GET3: variants seen among roughly 807,000 people sequenced by gnomAD.
GET3 encodes guided entry of tail-anchored proteins factor 3, ATPase.
GET3 carries 15 observed loss-of-function variants against 32.4 expected under a neutral mutation model. The ratio of observed to expected loss-of-function variants is 0.46; its 90% CI spans 0.31 to 0.71. The LOEUF (loss-of-function observed/expected upper bound fraction) is 0.71. Among genes scored for constraint, GET3 ranks in the 30% least tolerant of loss-of-function variants. The pLI is 0.05. For missense variants in GET3, 333 were observed against 459.0 expected, an observed-to-expected ratio of 0.73 and a Z score of 2.51; for synonymous variants, 198 against 185.6, an observed-to-expected ratio of 1.07 and a Z score of -0.54.
At chr19:12,741,073 C>T (rs1214256323) in intron 2 of GET3, among the ~76,000 whole-genome samples, 1 of 152,190 alleles carries the variant, frequency 6.6e-6, no homozygotes, top group Non-Finnish European at 1.5e-5. Context: ...CCTGTAATCC[C>T]AGCACTTCGG....
At chr19:12,739,845 A>C (rs965530912) in intron 2 of GET3, among the ~76,000 whole-genome samples, 2 of 151,792 alleles carry the variant, frequency 1.3e-5, no homozygotes, top group African/African-American at 4.8e-5. Flanking sequence ...AGAGTTTGAG[A>C]CCAGCCTGGC....
chr19:12,748,003 G>A lies in GET3; in HGVS notation c.946G>A (p.Val316Met), dbSNP rs768063943. 1.2e-5 allele frequency: 19 copies of A among 1,610,620 alleles called. No homozygotes were observed. Among genetic ancestry groups the A allele is most frequent in the East Asian group, 8.9e-5 (4 of 44,798 alleles). The change falls in exon 7 of 7, where the codon GTG becomes ATG. Residue 316 changes from valine to methionine, a missense_variant. Physicochemically the swap from Val to Met is conservative, Grantham distance 21 (BLOSUM62 1). Transcript: ENST00000357332. The stretch of plus-strand genomic sequence containing the variant: ...GGACCTGTATGAAGACTTCCACATC[G>A]TGAAGCTGCCGCTGTTACCCCATGA... The part of the protein sequence containing the change: ...MEDLYEDFHI[V>M]KLPLLPHEVR...
Position 12,747,188 on chromosome 19 carries a change from C to A in GET3, c.610-9C>A, listed in dbSNP as rs1002101261. 1 of 1,580,912 alleles carries A rather than the reference C, an allele frequency of 6.3e-7. No individual in the cohort carries two copies. The highest frequency in any genetic ancestry group is 8.6e-7 in the Non-Finnish European group (1 of 1,162,430). On this transcript the variant is annotated splice_polypyrimidine_tract_variant and intron_variant, in intron 4 of 6. Coordinates refer to ENST00000357332, the MANE Select transcript of GET3 (RefSeq NM_004317.4). The surrounding 1 kb of genome is among the most constrained non-coding windows in gnomAD (Gnocchi z 4.0). Reference sequence around the variant, plus strand: ...GTAAGCTATGAGCCCTCCCACATCCCCCCTGCAGATGTGCAACATGCTGGG... The same window carrying A: ...GTAAGCTATGAGCCCTCCCACATCCACCCTGCAGATGTGCAACATGCTGGG...
chr19:12,745,364 C>T lies in GET3; in HGVS notation c.310-13C>T. On this transcript the variant is annotated splice_polypyrimidine_tract_variant and intron_variant, in intron 2 of 6. Transcript: ENST00000357332. This position sits in a 1 kb window ranked among gnomAD's most constrained non-coding sequence, Gnocchi z 5.0. ...AGTAGCAGCAACCTCAGTCTCATCC[C>T]TTTGGCCCCCAGGAGATTGACCCCA... 1 of 1,607,332 alleles carries T rather than the reference C, an allele frequency of 6.2e-7. No homozygotes were observed. The highest frequency in any genetic ancestry group is 8.5e-7 in the Non-Finnish European group (1 of 1,179,778).
chr19:12,744,170 C>T (rs958553616), intron 2 of GET3, among the ~76,000 whole-genome samples: 4 of 145,980 alleles, frequency 2.7e-5, no homozygotes, highest in Non-Finnish European at 6.0e-5. Context: ...GAGCTGAGAT[C>T]GCGCCACTGC....
Position 12,745,765 on chromosome 19 carries a change from C to T in GET3, c.609+6C>T, listed in dbSNP as rs200777730. ...TCAGCCCTTTCATCTCACAGGCAGG[C>T]GGCGGGGGCCCCCACCTGCACCATC... On this transcript the variant is annotated splice_donor_region_variant and intron_variant, in intron 4 of 6. Coordinates refer to ENST00000357332, the MANE Select transcript of GET3 (RefSeq NM_004317.4). This position sits in a 1 kb window ranked among gnomAD's most constrained non-coding sequence, Gnocchi z 5.0. The T allele has an allele frequency of 8.1e-6, 13 of 1,598,884 alleles. No individual in the cohort carries two copies. The highest frequency in any genetic ancestry group is 1.7e-4 in the Middle Eastern group (1 of 5,956).
At position 12,737,636 on chromosome 19, in the gene GET3, G is replaced by T. The variant is rs1394137743; in HGVS notation, c.131G>T (p.Gly44Val). 6.2e-7 allele frequency: 1 copy of T among 1,611,108 alleles called. No individual in the cohort carries two copies. Among genetic ancestry groups the T allele is most frequent in the Admixed American group, 1.7e-5 (1 of 59,680 alleles). ...AGCCTGAAGTGGATCTTCGTCGGGGGCAAGGGTGGTGTGGGCAAGACCACC... is the reference window on the plus strand; with the variant it reads ...AGCCTGAAGTGGATCTTCGTCGGGGTCAAGGGTGGTGTGGGCAAGACCACC... ...QRSLKWIFVG[G>V]KGGVGKTTCS... The change falls in exon 1 of 7, where the codon GGC becomes GTC. Residue 44 changes from glycine (G) to valine (V), a missense_variant. Transcript: ENST00000357332.
At chr19:12,743,252 T>A (rs1028106419) in intron 2 of GET3, among the ~76,000 whole-genome samples, 3 of 151,896 alleles carry the variant, frequency 2.0e-5, no homozygotes, top group Admixed American at 2.0e-4. Context: ...CTGAGGTGGG[T>A]GGATCACCTG....
rs767201822 is a variant in GET3 at position 12,745,609 on chromosome 19, G to A, written c.459G>A (p.Arg153=). ...GGGCCTGACCCCTGTCTCCCCTCAGGCTGGTGAAGGGCATGAACTTCTCGG... is the reference window on the plus strand; with the variant it reads ...GGGCCTGACCCCTGTCTCCCCTCAGACTGGTGAAGGGCATGAACTTCTCGG... ...DEAMSYAEVM[R]LVKGMNFSVV... is the part of the protein sequence containing the mutation. The change falls in exon 4 of 7, where the codon AGG becomes AGA. Residue 153 remains arginine, a splice_region_variant and synonymous_variant. Transcript: ENST00000357332. This position sits in a 1 kb window ranked among gnomAD's most constrained non-coding sequence, Gnocchi z 5.0. 2 of 1,612,778 alleles carry A rather than the reference G, an allele frequency of 1.2e-6. No individual in the cohort carries two copies. Among genetic ancestry groups the A allele is most frequent in the South Asian group, 2.2e-5 (2 of 91,074 alleles).
At position 12,747,492 on chromosome 19, in the gene GET3, C is replaced by T; in HGVS notation, c.815C>T (p.Thr272Ile). 1 of 1,614,100 alleles carries T rather than the reference C, an allele frequency of 6.2e-7. No individual in the cohort carries two copies. Among genetic ancestry groups the T allele is most frequent in the Non-Finnish European group, 8.5e-7 (1 of 1,180,010 alleles). The change falls in exon 6 of 7, where the codon ACA becomes ATA. Residue 272 changes from threonine (T) to isoleucine (I), a missense_variant. This residue lies in a region of GET3 where 230 missense variants were observed against 389.2 expected (regional missense o/e 0.59). Transcript: ENST00000357332. This position sits in a 1 kb window ranked among gnomAD's most constrained non-coding sequence, Gnocchi z 4.0. ...IQELAKCKID[T>I]HNIIVNQLVF... ...GAGCTGGCCAAGTGCAAGATTGACA[C>T]ACACAATATAATTGTCAACCAGCTC...
At position 12,737,542 on chromosome 19, in the gene GET3, G is replaced by C. The variant is rs762425562; in HGVS notation, c.37G>C (p.Glu13Gln). The C allele has an allele frequency of 6.3e-7, 1 of 1,597,362 alleles. No homozygotes were observed. Among genetic ancestry groups the C allele is most frequent in the Non-Finnish European group, 8.5e-7 (1 of 1,172,924 alleles). Reference protein sequence around the residue: ...AGVAGWGVEAEEFEDAPDVEP... With the variant: ...AGVAGWGVEAQEFEDAPDVEP... Reference sequence around the variant, plus strand: ...GGTGGCCGGGTGGGGGGTTGAGGCAGAGGAGTTCGAAGATGCTCCTGATGT... The same window carrying C: ...GGTGGCCGGGTGGGGGGTTGAGGCACAGGAGTTCGAAGATGCTCCTGATGT... The change falls in exon 1 of 7, where the codon GAG becomes CAG. Residue 13 changes from glutamate to glutamine, a missense_variant. Around this residue, in one of 3 missense-constraint regions of GET3, gnomAD observed 64 missense variants for 36.7 expected, o/e 1.74. Transcript: ENST00000357332.
In GET3 at chr19:12,748,105, C is replaced by T. The variant is rs149686299; in HGVS notation, c.*1C>T. The T allele has an allele frequency of 1.2e-3, 1,949 of 1,582,628 alleles. 5 individuals carry two copies. The highest frequency in any genetic ancestry group is 1.5e-3 in the Non-Finnish European group (1,795 of 1,159,734). On this transcript the variant is annotated 3_prime_UTR_variant, in exon 7 of 7. Coordinates refer to ENST00000357332, the MANE Select transcript of GET3 (RefSeq NM_004317.4). Reference sequence around the variant, plus strand: ...CTACAAGCCCCCCAGTGCCCAGTAGCACAGCTGCCAGCCCCAACCGCTGCC... The same window carrying T: ...CTACAAGCCCCCCAGTGCCCAGTAGTACAGCTGCCAGCCCCAACCGCTGCC...
At chr19:12,742,729 T>C (rs1266018412) in intron 2 of GET3, among the ~76,000 whole-genome samples, 1 of 152,058 alleles carries the variant, frequency 6.6e-6, no homozygotes, top group Non-Finnish European at 1.5e-5. Context: ...TTTTTTTTAG[T>C]AGAGACGGGG....
intron 4 of GET3, among the ~76,000 whole-genome samples, chr19:12,746,361 G>A (rs1187028294): frequency 6.6e-6 from 1 of 152,090 alleles, no homozygotes; most frequent in African/African-American, 2.4e-5. Flanking sequence ...TTGAACTCCT[G>A]GCCTCAAGCA....
intron 1 of GET3, among the ~76,000 whole-genome samples, chr19:12,737,872 C>T (rs1382869790): frequency 2.0e-5 from 3 of 152,184 alleles, no homozygotes; most frequent in Admixed American, 1.3e-4. Flanking sequence ...CGTGTTGGGG[C>T]TCAAGTGCCG....
intron 2 of GET3, among the ~76,000 whole-genome samples, chr19:12,742,341 C>T (rs914621029): frequency 1.4e-4 from 21 of 151,414 alleles, no homozygotes; most frequent in Admixed American, 1.3e-3. Context: ...AAGCGATTCT[C>T]CTGCCTCAGC....
At position 12,745,482 on chromosome 19, in the gene GET3, T is replaced by A; in HGVS notation, c.415T>A (p.Phe139Ile). Residue 139 changes from phenylalanine to isoleucine, a missense_variant, in exon 3 of 7, where the codon TTT becomes ATT. Physicochemically the swap from Phe to Ile is conservative, Grantham distance 21. Transcript: ENST00000357332. This position sits in a 1 kb window ranked among gnomAD's most constrained non-coding sequence, Gnocchi z 5.0. ...GATGATGCAGGAGGCCATGAGCGCA[T>A]TTCCCGGCATCGATGAGGCCATGAG... Reference protein sequence around the residue: ...KKMMQEAMSAFPGIDEAMSYA... With the variant: ...KKMMQEAMSAIPGIDEAMSYA... The A allele has an allele frequency of 6.2e-7, 1 of 1,613,224 alleles. No homozygotes were observed. Among genetic ancestry groups the A allele is most frequent in the Admixed American group, 1.7e-5 (1 of 60,016 alleles).
At chr19:12,744,994 C>T (rs1487773201) in intron 2 of GET3, among the ~76,000 whole-genome samples, 2 of 151,866 alleles carry the variant, frequency 1.3e-5, no homozygotes, top group African/African-American at 4.8e-5. Context: ...TTAGGGTGGT[C>T]AGGGAGTCTC....
At chr19:12,740,572 G>A (rs1017436436) in intron 2 of GET3, among the ~76,000 whole-genome samples, 34 of 152,084 alleles carry the variant, frequency 2.2e-4, no homozygotes, top group African/African-American at 8.2e-4. Context: ...AGCTACTCCG[G>A]AGGCTGAGGC....
Sources: gnomAD v4.1 joint callset for allele counts (sites outside exome capture counted in the v4.1 genomes callset) on GRCh38, gnomAD v4.1.1 for gene constraint, gnomAD v4.1.1 regional missense constraint, Gnocchi (gnomAD v3.1) non-coding constraint, MANE v1.5 for transcripts, NCBI Gene and HGNC (gene_info 2026-07-23, HGNC 2026-07-21) for gene names.